Variants in CYB5R3 observed in about 807,000 individuals in gnomAD.
CYB5R3 encodes NADH-cytochrome b5 reductase 3.
Under a neutral mutation model 36.5 loss-of-function variants are expected in CYB5R3, and 28 were observed. The observed-to-expected ratio is 0.77, with a 90% CI of 0.57 to 1.05. CYB5R3 has a LOEUF of 1.05. Among genes scored for constraint, CYB5R3 ranks in the 50% least tolerant of loss-of-function variants. CYB5R3 has a pLI of 0.00. For synonymous variants in CYB5R3, 181 were observed against 159.8 expected (o/e 1.13, Z -1.00); for missense variants, 474 against 408.9 (o/e 1.16, Z -1.37).
At chr22:42,640,158 A>C in intron 1 of CYB5R3, 3 of 1,613,160 alleles carry the variant, frequency 1.9e-6, no homozygotes, top group Non-Finnish European at 1.7e-6. Context: ...GGGTGGGAGG[A>C]ACCAGCTCAA....
chr22:42,618,261 G>C lies in CYB5R3; in HGVS notation c.*1512C>G, dbSNP rs1927732107. ...ACATCAGAAATAAATGCTGGAGCCG[G>C]GCGCAGTGGCTCACGCCTGTAATCC... On this transcript the variant is annotated 3_prime_UTR_variant, in exon 9 of 9. Transcript: ENST00000352397. The C allele has an allele frequency of 6.6e-6, 1 of 152,286 alleles. No homozygotes were observed. Among genetic ancestry groups the C allele is most frequent in the Non-Finnish European group, 1.5e-5 (1 of 68,128 alleles). The allele number at this position is 152,286 out of a possible 1,614,324, so 9.4% of individuals were successfully genotyped here.
chr22:42,621,706 G>C (rs1005298657), intron 8 of CYB5R3, among the ~76,000 whole-genome samples: 1 of 152,242 alleles, frequency 6.6e-6, no homozygotes, highest in African/African-American at 2.4e-5. Flanking sequence ...GCCACCAGGG[G>C]TCAGCACTGG....
At chr22:42,646,436 A>T (rs1215062802) in intron 1 of CYB5R3, among the ~76,000 whole-genome samples, 1 of 152,134 alleles carries the variant, frequency 6.6e-6, no homozygotes, top group Non-Finnish European at 1.5e-5. Context: ...GGGGCTGCGT[A>T]GCTCTGCTCC....
At chr22:42,629,075 G>A (rs1037449500) in intron 4 of CYB5R3, among the ~76,000 whole-genome samples, 3 of 152,166 alleles carry the variant, frequency 2.0e-5, no homozygotes, top group African/African-American at 7.2e-5. Flanking sequence ...AGCCAGGAGA[G>A]GCCTGGTCAC....
intron 4 of CYB5R3, among the ~76,000 whole-genome samples, chr22:42,630,194 G>C (rs1483686833): frequency 6.6e-6 from 1 of 152,156 alleles, no homozygotes. Context: ...GTTCCGGGCT[G>C]CTGCCCCTAA....
In CYB5R3 at chr22:42,643,457, C is replaced by A. The variant is rs888342764; in HGVS notation, c.21+5838G>T. Among the ~76,000 whole-genome samples, 4 of 139,138 alleles carry A rather than the reference C, an allele frequency of 2.9e-5. No homozygotes were observed. The South Asian group carries it at 7.9e-4, about 28-fold the overall frequency. The allele number at this position is 139,138 out of a possible 152,430, so 91.3% of individuals were successfully genotyped here. On this transcript the variant is annotated intron_variant, in intron 1 of 8. Coordinates refer to ENST00000352397, the MANE Select transcript of CYB5R3 (RefSeq NM_000398.7). ...GCCTGGCCCCCGCCCCCCCACCCCC[C>A]ACCCTGCAACGGCCCAGCAGCTCCA...
rs577533684 is a variant in CYB5R3, at chr22:42,640,190, C to T, written c.22-3344G>A. On this transcript the variant is annotated intron_variant, in intron 1 of 8. Coordinates refer to ENST00000352397, the MANE Select transcript of CYB5R3 (RefSeq NM_000398.7). ...TCAACCGTGGTGTAGTACCAAAATG[C>T]GGCCAATCGAGGCTTCAAGTAAGTC... 73 of 1,609,746 alleles carry T rather than the reference C, an allele frequency of 4.5e-5. No individual in the cohort carries two copies. The East Asian group carries it at 8.9e-4, about 20-fold the overall frequency.
At chr22:42,620,444 C>T (rs887882523) in intron 8 of CYB5R3, among the ~76,000 whole-genome samples, 37 of 152,168 alleles carry the variant, frequency 2.4e-4, no homozygotes, top group Non-Finnish European at 4.4e-5. Context: ...CATGAGCCCA[C>T]TGTGACTCCC....
intron 5 of CYB5R3, 62 bp downstream of exon 5, chr22:42,628,090 A>C (rs1928389512): frequency 6.2e-7 from 1 of 1,609,412 alleles, no homozygotes; most frequent in African/African-American, 1.3e-5. Context: ...TGCACCCAGC[A>C]CGCCCAAGCT....
At chr22:42,631,564 G>A in intron 2 of CYB5R3, 114 bp from the exon 3 acceptor site, 1 of 894,268 alleles carries the variant, frequency 1.1e-6, no homozygotes, top group Non-Finnish European at 1.8e-6. Context: ...CCCTTCCCCA[G>A]TGCCTGCTTG....
At chr22:42,623,692 G>A (rs1005323620) in intron 8 of CYB5R3, 97 bp downstream of exon 8, 11 of 1,005,124 alleles carry the variant, frequency 1.1e-5, no homozygotes, top group African/African-American at 3.2e-5. Context: ...GTGAGTGCCA[G>A]ATGTCGTCCA....
chr22:42,628,460 A>G (rs1380782795), intron 4 of CYB5R3, among the ~76,000 whole-genome samples, 179 bp from the exon 5 acceptor site: 1 of 151,850 alleles, frequency 6.6e-6, no homozygotes, highest in East Asian at 1.9e-4. Flanking sequence ...CCCGTCCTTC[A>G]CCCCGTCCTC....
At position 42,627,370 on chromosome 22, in the gene CYB5R3, C is replaced by G; in HGVS notation, c.567G>C (p.Gln189His). The G allele has an allele frequency of 6.2e-7, 1 of 1,613,888 alleles. No individual in the cohort carries two copies. Among genetic ancestry groups the G allele is most frequent in the African/African-American group, 1.3e-5 (1 of 75,062 alleles). The change falls in exon 7 of 9, where the codon CAG becomes CAC. Residue 189 changes from glutamine to histidine, a missense_variant. Coordinates refer to ENST00000352397, the MANE Select transcript of CYB5R3 (RefSeq NM_000398.7). ...AGGTGITPML[Q>H]VIRAIMKDPD... ...GGTCCTTCATGATGGCGCGGATCAC[C>G]TGCAGCATCGGGGTGATGCCTGCAA... is the stretch of plus-strand genomic sequence containing the variant.
intron 1 of CYB5R3, among the ~76,000 whole-genome samples, chr22:42,643,046 G>T (rs1425783309): frequency 6.6e-6 from 1 of 152,166 alleles, no homozygotes; most frequent in Non-Finnish European, 1.5e-5. Flanking sequence ...GGCCCCTTGA[G>T]GTAGTATATC....
intron 1 of CYB5R3, among the ~76,000 whole-genome samples, chr22:42,639,409 C>T (rs7287830): frequency 0.16 from 23,647 of 151,112 alleles, 2,513 homozygotes; most frequent in East Asian, 0.58. Context: ...AGGTGAATCA[C>T]CTGAGGTCAG....
intron 7 of CYB5R3, among the ~76,000 whole-genome samples, chr22:42,624,500 T>C: frequency 1.0e-5 from 1 of 95,956 alleles, no homozygotes; most frequent in Non-Finnish European, 1.9e-5. Context: ...CACAGAGCCC[T>C]ACAGAACTCA....
At chr22:42,645,537 C>G (rs1487305473) in intron 1 of CYB5R3, among the ~76,000 whole-genome samples, 1 of 152,160 alleles carries the variant, frequency 6.6e-6, no homozygotes, top group African/African-American at 2.4e-5. Context: ...AGCTGGGAGT[C>G]AAGCACTGCT....
chr22:42,636,957 C>T (rs1464178105), intron 1 of CYB5R3, 111 bp from the exon 2 acceptor site: 2 of 1,430,830 alleles, frequency 1.4e-6, no homozygotes, highest in African/African-American at 2.8e-5. Context: ...GCCAGGAGCA[C>T]CCTCTCCCCA....
At chr22:42,638,396 CAAAAAA>C (rs1206825251) in intron 1 of CYB5R3, among the ~76,000 whole-genome samples, 1 of 36,498 alleles carries the variant, frequency 2.7e-5, no homozygotes, top group Non-Finnish European at 5.0e-5. Context: ...AACTCCATCT[CAAAAAA>C]AAAAAAAAAA....
Sources: allele counts gnomAD v4.1 joint callset (sites outside exome capture counted in the v4.1 genomes callset), GRCh38; gene constraint gnomAD v4.1.1; transcripts MANE v1.5; gene names NCBI Gene and HGNC (gene_info 2026-07-23, HGNC 2026-07-21).